Variants in CPZ observed in about 807,000 individuals in gnomAD.
The protein encoded by CPZ is VEZT/CPZ fusion.
CPZ carries 103 observed loss-of-function variants against 61.8 expected under a neutral mutation model. The observed-to-expected ratio is 1.67, with a 90% CI of 1.42 to 1.96. CPZ has a LOEUF of 1.96. Among genes scored for constraint, CPZ ranks in the 30% most tolerant of loss-of-function variants. The pLI is 0.00. For missense variants in CPZ, 1,461 were observed against 914.9 expected (o/e 1.60, Z -7.70); for synonymous variants, 551 against 373.7 (o/e 1.47, Z -5.47).
rs374204470 is a variant in CPZ at position 8,608,394 on chromosome 4, T to G, written c.1227+969T>G. Reference sequence around the variant, plus strand: ...GGGCAAGTGCCAGGTGCCGGGCCCCTCATAACAGCAGTCACACATCGTTTG... The same window carrying G: ...GGGCAAGTGCCAGGTGCCGGGCCCCGCATAACAGCAGTCACACATCGTTTG... On this transcript the variant is annotated intron_variant, in intron 7 of 10. Transcript: ENST00000360986. Among the ~76,000 whole-genome samples the G allele has an allele frequency of 2.0e-5, 3 of 152,260 alleles. No individual in the cohort carries two copies. The East Asian group carries it at 5.8e-4, about 30-fold the overall frequency.
In CPZ at chr4:8,603,906, C is replaced by A. The variant is rs1250764975; in HGVS notation, c.497-70C>A. 2.2e-6 allele frequency: 3 copies of A among 1,357,304 alleles called. No homozygotes were observed. The East Asian group carries it at 6.9e-5, about 31-fold the overall frequency. 84.1% of individuals were successfully genotyped at this position (1,357,304 alleles called of 1,614,324 possible). A position where few individuals can be genotyped will look rare whatever the true frequency, so the allele number is the denominator to read the frequency against. On this transcript the variant is annotated intron_variant, in intron 3 of 10. Coordinates refer to ENST00000360986, the MANE Select transcript of CPZ (RefSeq NM_001014447.3). ...GGGGACTAAGGGTGCTGTGTGTGGTCAGCGTTCCCAGGCAGTGGTAGGAAG... is the reference window on the plus strand; with the variant it reads ...GGGGACTAAGGGTGCTGTGTGTGGTAAGCGTTCCCAGGCAGTGGTAGGAAG...
chr4:8,607,570 C>A lies in CPZ; in HGVS notation c.1227+145C>A, dbSNP rs576001314. On this transcript the variant is annotated intron_variant, in intron 7 of 10. Transcript: ENST00000360986. ...GCGGGTCAGCACCACCTGCTCCAGGCCCAGCTCTGCAGGGAAGCCCCTTCC... is the reference window on the plus strand; with the variant it reads ...GCGGGTCAGCACCACCTGCTCCAGGACCAGCTCTGCAGGGAAGCCCCTTCC... The A allele has an allele frequency of 2.8e-5, 25 of 904,536 alleles. No individual in the cohort carries two copies. The African/African-American group carries it at 3.9e-4, about 14-fold the overall frequency. 56.0% of individuals were successfully genotyped at this position (904,536 alleles called of 1,614,324 possible).
intron 9 of CPZ, among the ~76,000 whole-genome samples, chr4:8,616,721 G>A (rs551838807): frequency 3.3e-5 from 5 of 152,296 alleles, no homozygotes; most frequent in African/African-American, 1.2e-4. Context: ...GTGGCTTCTC[G>A]AGCTGTCCAG....
Position 8,607,418 on chromosome 4 carries a change from A to C in CPZ, c.1220A>C (p.Asp407Ala). 1 of 1,613,874 alleles carries C rather than the reference A, an allele frequency of 6.2e-7. No homozygotes were observed. Among genetic ancestry groups the C allele is most frequent in the Non-Finnish European group, 8.5e-7 (1 of 1,179,892 alleles). ...QEEKMFSPTPDEKMFKLLSRA... is the reference protein window; with the variant it reads ...QEEKMFSPTPAEKMFKLLSRA... ...GAGAAGATGTTTTCTCCCACGCCCGACGAGAAGGTGAGAGGGCTGTCGGGT... is the reference window on the plus strand; with the variant it reads ...GAGAAGATGTTTTCTCCCACGCCCGCCGAGAAGGTGAGAGGGCTGTCGGGT... The change falls in exon 7 of 11, where the codon GAC (aspartate) becomes GCC (alanine). Residue 407 changes from aspartate to alanine, a missense_variant. Asp to Ala is a moderately radical substitution (Grantham distance 126). Coordinates refer to ENST00000360986, the MANE Select transcript of CPZ (RefSeq NM_001014447.3).
chr4:8,605,976 T>C lies in CPZ; in HGVS notation c.710-13T>C, dbSNP rs1330581456. 11 of 1,609,452 alleles carry C rather than the reference T, an allele frequency of 6.8e-6. No homozygotes were observed. The highest frequency in any genetic ancestry group is 1.3e-5 in the African/African-American group (1 of 74,854). On this transcript the variant is annotated splice_polypyrimidine_tract_variant and intron_variant, in intron 4 of 10. Coordinates refer to ENST00000360986, the MANE Select transcript of CPZ (RefSeq NM_001014447.3). ...TTTGAGATGATGCCCCAAGTCTCTG[T>C]ATTTGCCCCCAGTGGAGCCCGAGGT...
intron 7 of CPZ, among the ~76,000 whole-genome samples, chr4:8,609,220 T>A (rs1267639691): frequency 2.1e-5 from 1 of 47,498 alleles, no homozygotes; most frequent in Admixed American, 3.2e-4. Flanking sequence ...ACTCATTCAC[T>A]TACTCACTCA....
At chr4:8,611,865 C>T (rs947697124) in intron 7 of CPZ, among the ~76,000 whole-genome samples, 162 bp from the exon 8 acceptor site, 1 of 152,082 alleles carries the variant, frequency 6.6e-6, no homozygotes, top group Non-Finnish European at 1.5e-5. Flanking sequence ...TACACTGTGT[C>T]CTCTGCAGGA....
rs4441741 is a variant in CPZ, at chr4:8,603,756, G to A, written c.497-220G>A. On this transcript the variant is annotated intron_variant, in intron 3 of 10. Coordinates refer to ENST00000360986, the MANE Select transcript of CPZ (RefSeq NM_001014447.3). ...CCATAGTATGTTTACTCACAGTCACGTTAGGAACCATGGCGCTGTGCTGTG... is the reference window on the plus strand; with the variant it reads ...CCATAGTATGTTTACTCACAGTCACATTAGGAACCATGGCGCTGTGCTGTG... The A allele has an allele frequency of 1.4e-5, 8 of 585,996 alleles. 1 individual carries two copies. Among genetic ancestry groups the A allele is most frequent in the South Asian group, 6.1e-5 (3 of 49,410 alleles). The allele number at this position is 585,996 out of a possible 1,614,324, so 36.3% of individuals were successfully genotyped here.
chr4:8,614,868 G>A (rs1306433269), intron 9 of CPZ, among the ~76,000 whole-genome samples: 1 of 149,730 alleles, frequency 6.7e-6, no homozygotes, highest in Non-Finnish European at 1.5e-5. Flanking sequence ...GCTTCATCTT[G>A]AAGAAGGGTA....
At chr4:8,598,243 G>T (rs1714320590) in intron 1 of CPZ, among the ~76,000 whole-genome samples, 1 of 152,204 alleles carries the variant, frequency 6.6e-6, no homozygotes, top group African/African-American at 2.4e-5. Context: ...GACTGTGGTT[G>T]CCCAGTCCCC....
chr4:8,617,050 C>T (rs1716233303), intron 9 of CPZ, among the ~76,000 whole-genome samples: 1 of 152,210 alleles, frequency 6.6e-6, no homozygotes, highest in Non-Finnish European at 1.5e-5. Flanking sequence ...TGCCCACTCC[C>T]CTCTTTCAGC....
chr4:8,603,897 G>C, intron 3 of CPZ, 79 bp from the exon 4 acceptor site: 7 of 1,236,458 alleles, frequency 5.7e-6, no homozygotes, highest in African/African-American at 1.5e-5. Flanking sequence ...TAAGGGTGCT[G>C]TGTGTGGTCA....
At chr4:8,614,556 C>T (rs1275540005) in intron 9 of CPZ, 58 bp downstream of exon 9, 2 of 1,576,244 alleles carry the variant, frequency 1.3e-6, no homozygotes, top group African/African-American at 1.3e-5. Flanking sequence ...GGGTGGGTCA[C>T]ATTCAGGCCC....
chr4:8,601,027 G>C, intron 2 of CPZ, 96 bp from the exon 3 acceptor site: 1 of 1,453,164 alleles, frequency 6.9e-7, no homozygotes, highest in Non-Finnish European at 9.1e-7. Flanking sequence ...CTCCCTGCAG[G>C]CCCTGGCCCT....
intron 5 of CPZ, among the ~76,000 whole-genome samples, chr4:8,606,507 G>T (rs1406416989): frequency 1.3e-5 from 2 of 152,298 alleles, no homozygotes; most frequent in Non-Finnish European, 1.5e-5. Flanking sequence ...ACTGTCGAGG[G>T]CGCCCCACTC....
chr4:8,607,529 G>C (rs957171492), intron 7 of CPZ, 104 bp downstream of exon 7: 3 of 1,370,664 alleles, frequency 2.2e-6, no homozygotes, highest in African/African-American at 2.9e-5. Flanking sequence ...AAAGCTCCTA[G>C]GAACCTCTAC....
intron 8 of CPZ, among the ~76,000 whole-genome samples, chr4:8,613,075 T>C (rs1715847511): frequency 6.6e-6 from 1 of 151,684 alleles, no homozygotes; most frequent in Admixed American, 6.6e-5. Flanking sequence ...CATAGCCCTG[T>C]GACTGGGGTC....
chr4:8,610,489 G>C (rs775106564), intron 7 of CPZ, among the ~76,000 whole-genome samples: 33 of 152,156 alleles, frequency 2.2e-4, no homozygotes, highest in Non-Finnish European at 3.4e-4. Context: ...AGGGTGACAC[G>C]GTGGGTTGGG....
In CPZ at chr4:8,611,975, A is replaced by G. The variant is rs1020574809; in HGVS notation, c.1228-52A>G. The G allele has an allele frequency of 2.5e-6, 4 of 1,611,350 alleles. No homozygotes were observed. The Admixed American group carries it at 6.7e-5, about 27-fold the overall frequency. ...CCTCCCCTCATTGACCCCAGCTCAC[A>G]GGACGTCCTGCAGGGGACCCTTTCC... On this transcript the variant is annotated intron_variant, in intron 7 of 10. Coordinates refer to ENST00000360986, the MANE Select transcript of CPZ (RefSeq NM_001014447.3).
Sources: allele counts gnomAD v4.1 joint callset (sites outside exome capture counted in the v4.1 genomes callset), GRCh38; gene constraint gnomAD v4.1.1; transcripts MANE v1.5; gene names NCBI Gene and HGNC (gene_info 2026-07-23, HGNC 2026-07-21).